Variants in FMNL2 observed in about 807,000 individuals in gnomAD.
The protein encoded by FMNL2 is formin-like protein 2.
In FMNL2, 51 loss-of-function variants were observed where a neutral mutation model predicts 130.2. That is an observed-to-expected ratio of 0.39 (90% CI 0.31 to 0.49). FMNL2 has a LOEUF of 0.49. Ranked by LOEUF, FMNL2 falls within the 20% of genes least tolerant of loss-of-function variation. FMNL2 has a pLI of 0.85. For synonymous variants in FMNL2, 465 were observed against 467.1 expected (o/e 1.00, Z 0.06); for missense variants, 977 against 1,316.2 (o/e 0.74, Z 3.99).
intron 1 of FMNL2, among the ~76,000 whole-genome samples, chr2:152,359,253 A>G (rs1258652918): frequency 6.6e-6 from 1 of 152,154 alleles, no homozygotes; most frequent in Non-Finnish European, 1.5e-5. Flanking sequence ...TTGTGCTTTT[A>G]ATGTATTTAA....
chr2:152,416,995 A>G (rs893595056), intron 1 of FMNL2, among the ~76,000 whole-genome samples: 7 of 152,228 alleles, frequency 4.6e-5, no homozygotes, highest in African/African-American at 7.2e-5. Context: ...ATAAGTTTCA[A>G]CTTGAATTTG....
intron 1 of FMNL2, among the ~76,000 whole-genome samples, chr2:152,510,474 G>T (rs1692439021): frequency 6.6e-6 from 1 of 152,082 alleles, no homozygotes; most frequent in Admixed American, 6.5e-5. Context: ...CAGTTGTTTT[G>T]GGAATTCTTC....
chr2:152,335,507 G>T lies in FMNL2; in HGVS notation c.-97G>T, dbSNP rs1055546373. On this transcript the variant is annotated 5_prime_UTR_variant, in exon 1 of 26. Transcript: ENST00000288670. ...CGGAGGGCGGGGAGCCGGGCAGGTC[G>T]CGCCTGCGGGCGGCAGCCGACCGCC... The T allele has an allele frequency of 1.1e-6, 1 of 885,480 alleles. No homozygotes were observed. The highest frequency in any genetic ancestry group is 3.7e-5 in the East Asian group (1 of 26,912). 54.9% of individuals were successfully genotyped at this position (885,480 alleles called of 1,614,324 possible). A position where few individuals can be genotyped will look rare whatever the true frequency, so the allele number is the denominator to read the frequency against.
chr2:152,636,716 G>T (rs996404255), intron 22 of FMNL2, 126 bp downstream of exon 22: 11 of 1,154,268 alleles, frequency 9.5e-6, no homozygotes, highest in Non-Finnish European at 1.3e-5. Context: ...CTTTCTTGTT[G>T]TAACTATTAT....
chr2:152,456,067 T>C lies in FMNL2; in HGVS notation c.118-65876T>C, dbSNP rs561739077. Among the ~76,000 whole-genome samples, 15 of 152,342 alleles carry C rather than the reference T, an allele frequency of 9.8e-5. No homozygotes were observed. The South Asian group carries it at 2.1e-3, about 21-fold the overall frequency. ...CCACAAAGTTTCAGTGCAATGTATG[T>C]CTTGACTAATGCATTTGAATATAAA... is the stretch of plus-strand genomic sequence containing the variant. On this transcript the variant is annotated intron_variant, in intron 1 of 25. Transcript: ENST00000288670.
chr2:152,523,106 T>C (rs939049935), intron 2 of FMNL2, among the ~76,000 whole-genome samples: 11 of 152,206 alleles, frequency 7.2e-5, no homozygotes, highest in Non-Finnish European at 1.3e-4. Context: ...ATAGTATATG[T>C]TATTTAGGAT....
At chr2:152,588,603 C>A (rs1260007594) in intron 9 of FMNL2, among the ~76,000 whole-genome samples, 1 of 152,026 alleles carries the variant, frequency 6.6e-6, no homozygotes, top group Admixed American at 6.5e-5. Flanking sequence ...CATCATTCAG[C>A]CTGTCACACC....
At chr2:152,407,970 C>G (rs774539142) in intron 1 of FMNL2, among the ~76,000 whole-genome samples, 35 of 152,158 alleles carry the variant, frequency 2.3e-4, no homozygotes, top group Admixed American at 7.9e-4. Flanking sequence ...GCTGAAGGAT[C>G]TGTTTGTGAA....
At chr2:152,578,808 T>C in intron 7 of FMNL2, 80 bp from the exon 8 acceptor site, 1 of 1,211,720 alleles carries the variant, frequency 8.3e-7, no homozygotes. Flanking sequence ...TTCGGGTTTT[T>C]GGTTTTAAAT....
intron 1 of FMNL2, among the ~76,000 whole-genome samples, chr2:152,510,937 G>C (rs1429346014): frequency 6.6e-6 from 1 of 152,144 alleles, no homozygotes; most frequent in Non-Finnish European, 1.5e-5. Flanking sequence ...GGATAGGGCA[G>C]AACTTTACTT....
At chr2:152,419,087 G>T (rs1686771581) in intron 1 of FMNL2, among the ~76,000 whole-genome samples, 1 of 151,470 alleles carries the variant, frequency 6.6e-6, no homozygotes, top group Non-Finnish European at 1.5e-5. Flanking sequence ...TAAACAGAGT[G>T]TACTTATTTT....
chr2:152,590,914 T>C (rs1011107367), intron 9 of FMNL2, among the ~76,000 whole-genome samples: 1 of 150,134 alleles, frequency 6.7e-6, no homozygotes, highest in African/African-American at 2.4e-5. Flanking sequence ...GACTGTTTGG[T>C]AAGTAATAAT....
chr2:152,422,304 A>C (rs752750555), intron 1 of FMNL2, among the ~76,000 whole-genome samples: 32 of 152,150 alleles, frequency 2.1e-4, no homozygotes, highest in Non-Finnish European at 3.4e-4. Context: ...GCCCAATGTG[A>C]AGAGATCACA....
chr2:152,406,870 A>G (rs1478976803), intron 1 of FMNL2, among the ~76,000 whole-genome samples: 1 of 152,168 alleles, frequency 6.6e-6, no homozygotes, highest in Non-Finnish European at 1.5e-5. Flanking sequence ...CTATAACTGA[A>G]ACATTTTTAT....
At position 152,430,309 on chromosome 2, in the gene FMNL2, C is replaced by T. The variant is rs1005882410; in HGVS notation, c.118-91634C>T. 5.3e-5 allele frequency among the ~76,000 whole-genome samples: 8 copies of T among 152,302 alleles called. No individual in the cohort carries two copies. The South Asian group carries it at 1.5e-3, about 28-fold the overall frequency. The stretch of plus-strand genomic sequence containing the variant: ...TATCCTTTGTCTCTTCCTTGACAGA[C>T]AGCAGTGGGTTGCCAACGTGCCCTT... On this transcript the variant is annotated intron_variant, in intron 1 of 25. Transcript: ENST00000288670.
chr2:152,398,534 T>C (rs1196787441), intron 1 of FMNL2, among the ~76,000 whole-genome samples: 2 of 152,234 alleles, frequency 1.3e-5, no homozygotes, highest in Non-Finnish European at 2.9e-5. Flanking sequence ...TTTTGGATGA[T>C]TAACATTCAA....
intron 11 of FMNL2, among the ~76,000 whole-genome samples, chr2:152,613,399 A>G (rs1358223537): frequency 6.6e-6 from 1 of 152,168 alleles, no homozygotes; most frequent in Non-Finnish European, 1.5e-5. Context: ...CCTGTTATTC[A>G]TTGTGAATCT....
intron 1 of FMNL2, among the ~76,000 whole-genome samples, chr2:152,486,042 T>C (rs1690806916): frequency 1.3e-5 from 2 of 152,134 alleles, no homozygotes; most frequent in Non-Finnish European, 2.9e-5. Flanking sequence ...GGACCAGAAC[T>C]TGGGTATCTT....
intron 1 of FMNL2, among the ~76,000 whole-genome samples, chr2:152,408,247 TA>T (rs1048908006): frequency 3.9e-5 from 6 of 152,004 alleles, no homozygotes; most frequent in African/African-American, 1.2e-4. Context: ...AGAACTTTTT[TA>T]AAAAAAACAC....
Sources: gnomAD v4.1 joint callset for allele counts (sites outside exome capture counted in the v4.1 genomes callset) on GRCh38, gnomAD v4.1.1 for gene constraint, MANE v1.5 for transcripts, NCBI Gene and HGNC (gene_info 2026-07-23, HGNC 2026-07-21) for gene names.